GDAP1: variants seen among roughly 807,000 people sequenced by gnomAD.
The protein encoded by GDAP1 is ganglioside-induced differentiation-associated protein 1.
In GDAP1, 34 loss-of-function variants were observed where a neutral mutation model predicts 40.1. The ratio of observed to expected loss-of-function variants is 0.85; its 90% CI spans 0.64 to 1.13. GDAP1 has a LOEUF of 1.13. Ranked by LOEUF, GDAP1 falls within the 50% of genes most tolerant of loss-of-function variation. GDAP1 has a pLI of 0.00. For synonymous variants in GDAP1, 170 were observed against 157.4 expected (o/e 1.08, Z -0.60); for missense variants, 374 against 433.7 (o/e 0.86, Z 1.22).
chr8:74,403,466 AC>A, intron 2 of GDAP1, among the ~76,000 whole-genome samples: 1 of 150,424 alleles, frequency 6.6e-6, no homozygotes, highest in Admixed American at 6.5e-5. Context: ...TACCCGTTCT[AC>A]ATAGGAGATG....
chr8:74,404,070 G>A (rs1406412054), intron 2 of GDAP1, among the ~76,000 whole-genome samples: 1 of 149,692 alleles, frequency 6.7e-6, no homozygotes, highest in Non-Finnish European at 1.5e-5. Context: ...AAATTAATTC[G>A]TGATTAATAA....
At chr8:74,442,992 A>G (rs185090090) in intron 2 of GDAP1, among the ~76,000 whole-genome samples, 209 of 152,320 alleles carry the variant, frequency 1.4e-3, no homozygotes, top group African/African-American at 4.8e-3. Context: ...TAGACTCTAA[A>G]ATGAATGGCA....
At chr8:74,412,669 A>T (rs1156789102) in intron 2 of GDAP1, among the ~76,000 whole-genome samples, 1 of 150,092 alleles carries the variant, frequency 6.7e-6, no homozygotes, top group African/African-American at 2.5e-5. Flanking sequence ...CACAAATACT[A>T]ACAAAAACTG....
intron 2 of GDAP1, among the ~76,000 whole-genome samples, chr8:74,424,298 C>A (rs1353718645): frequency 1.3e-5 from 2 of 152,036 alleles, no homozygotes; most frequent in Non-Finnish European, 2.9e-5. Flanking sequence ...TATTGTCAAT[C>A]CACGCTGATT....
chr8:74,471,877 A>G (rs1806561338), intron 2 of GDAP1, among the ~76,000 whole-genome samples: 1 of 152,182 alleles, frequency 6.6e-6, no homozygotes. Flanking sequence ...AGTAGTACAC[A>G]GTTATATAGC....
At chr8:74,444,170 G>A (rs7014530) in intron 2 of GDAP1, among the ~76,000 whole-genome samples, 60,754 of 150,364 alleles carry the variant, frequency 0.4, 13,059 homozygotes, top group Non-Finnish European at 0.47. Context: ...GGTGAGTGTG[G>A]TGAGAATGGT....
chr8:74,382,353 A>G (rs1191014879), intron 2 of GDAP1, among the ~76,000 whole-genome samples: 1 of 146,342 alleles, frequency 6.8e-6, no homozygotes, highest in Admixed American at 6.9e-5. Context: ...GGGAAATTAT[A>G]GGAAGTTTCC....
chr8:74,477,698 C>T (rs566883480), intron 2 of GDAP1, among the ~76,000 whole-genome samples: 1 of 152,156 alleles, frequency 6.6e-6, no homozygotes, highest in Non-Finnish European at 1.5e-5. Context: ...CTGGTCACAA[C>T]ACTCTAATGG....
chr8:74,350,664 G>T, intron 1 of GDAP1, 86 bp downstream of exon 1: 2 of 915,636 alleles, frequency 2.2e-6, no homozygotes, highest in Non-Finnish European at 3.6e-6. Flanking sequence ...CAGGGAAGCC[G>T]GTCCACCTAG....
At chr8:74,428,145 A>G (rs1292000738) in intron 2 of GDAP1, among the ~76,000 whole-genome samples, 1 of 152,128 alleles carries the variant, frequency 6.6e-6, no homozygotes, top group Non-Finnish European at 1.5e-5. Context: ...GTAATACCAG[A>G]ACTTCAGGAA....
chr8:74,479,790 G>T (rs1806683307), intron 2 of GDAP1, among the ~76,000 whole-genome samples: 1 of 152,160 alleles, frequency 6.6e-6, no homozygotes, highest in African/African-American at 2.4e-5. Context: ...CCTTCATTAT[G>T]CAGCAGGCTA....
intron 2 of GDAP1, among the ~76,000 whole-genome samples, chr8:74,424,232 A>C (rs1805919524): frequency 6.6e-6 from 1 of 152,128 alleles, no homozygotes. Flanking sequence ...TTGTTTAGGG[A>C]ATAATGACAA....
At chr8:74,394,656 A>G (rs990309160) in intron 2 of GDAP1, among the ~76,000 whole-genome samples, 1 of 152,100 alleles carries the variant, frequency 6.6e-6, no homozygotes, top group Non-Finnish European at 1.5e-5. Flanking sequence ...CATTCACACT[A>G]TATATGTCAA....
At chr8:74,387,243 A>T (rs1810038995) in intron 2 of GDAP1, among the ~76,000 whole-genome samples, 1 of 152,234 alleles carries the variant, frequency 6.6e-6, no homozygotes, top group Admixed American at 6.5e-5. Flanking sequence ...GAGAGAGGGC[A>T]TCCTTGTCTT....
At chr8:74,459,493 C>T (rs1231644413) in intron 2 of GDAP1, among the ~76,000 whole-genome samples, 1 of 152,154 alleles carries the variant, frequency 6.6e-6, no homozygotes, top group Non-Finnish European at 1.5e-5. Context: ...TTGACAGGCA[C>T]TCCAGGTGAT....
Position 74,386,423 on chromosome 8 carries a change from C to T in GDAP1, c.165+35102C>T, listed in dbSNP as rs537816083. On this transcript the variant is annotated intron_variant, in intron 2 of 2. Transcript: ENST00000523640. ...TCTGCATATGGCTAGCCTGTTTTCC[C>T]AACACCATTTATTAAATAGGGAATC... is the stretch of plus-strand genomic sequence containing the variant. 2.0e-5 allele frequency among the ~76,000 whole-genome samples: 3 copies of T among 152,286 alleles called. No homozygotes were observed. In the East Asian group the frequency reaches 5.8e-4, roughly 29 times the overall value.
At chr8:74,390,046 T>G (rs563338171) in intron 2 of GDAP1, among the ~76,000 whole-genome samples, 1 of 152,340 alleles carries the variant, frequency 6.6e-6, no homozygotes, top group African/African-American at 2.4e-5. Context: ...ATTTATGTTC[T>G]TCTCTAAACT....
intron 2 of GDAP1, among the ~76,000 whole-genome samples, chr8:74,394,096 A>T (rs1810154749): frequency 6.6e-6 from 1 of 152,334 alleles, no homozygotes; most frequent in South Asian, 2.1e-4. Context: ...AAAGTTCCAC[A>T]TGGCTGGGGA....
At chr8:74,486,131 G>A (rs938530657) in intron 2 of GDAP1, among the ~76,000 whole-genome samples, 3 of 152,172 alleles carry the variant, frequency 2.0e-5, no homozygotes, top group Non-Finnish European at 4.4e-5. Context: ...TAGGATTCTT[G>A]TCATAGGACG....
Sources: allele counts gnomAD v4.1 joint callset (sites outside exome capture counted in the v4.1 genomes callset), GRCh38; gene constraint gnomAD v4.1.1; transcripts MANE v1.5; gene names NCBI Gene and HGNC (gene_info 2026-07-23, HGNC 2026-07-21).